The following PRKN variants were observed in gnomAD, a reference collection of about 807,000 sequenced individuals.
PRKN encodes the protein parkin RBR E3 ubiquitin protein ligase.
Under a neutral mutation model 59.5 loss-of-function variants are expected in PRKN, and 56 were observed. That is an observed-to-expected ratio of 0.94 (90% CI 0.76 to 1.18). The LOEUF (loss-of-function observed/expected upper bound fraction) is 1.18, where lower values mean the gene tolerates loss of function less well. Ranked by LOEUF, PRKN falls within the 50% of genes most tolerant of loss-of-function variation. The pLI is 0.00. For missense variants in PRKN, 657 were observed against 596.4 expected (o/e 1.10, Z -1.06); for synonymous variants, 250 against 222.1 (o/e 1.13, Z -1.12).
intron 1 of PRKN, among the ~76,000 whole-genome samples, chr6:162,580,255 T>G (rs1780736547): frequency 6.6e-6 from 1 of 151,824 alleles, no homozygotes; most frequent in African/African-American, 2.4e-5. Context: ...TGGGTAACAT[T>G]GCGGAACCCT....
At chr6:161,933,352 C>T (rs1427361702) in intron 6 of PRKN, among the ~76,000 whole-genome samples, 12 of 152,100 alleles carry the variant, frequency 7.9e-5, no homozygotes, top group Non-Finnish European at 1.8e-4. Flanking sequence ...ACAATGTTGA[C>T]TCCATTAGAT....
At chr6:162,512,560 G>A (rs1392054145) in intron 1 of PRKN, among the ~76,000 whole-genome samples, 5 of 152,180 alleles carry the variant, frequency 3.3e-5, no homozygotes, top group East Asian at 1.9e-4. Flanking sequence ...TGCAGTTATT[G>A]TTATACCTAG....
intron 1 of PRKN, among the ~76,000 whole-genome samples, chr6:162,458,210 C>T (rs377630754): frequency 8.3e-5 from 11 of 133,242 alleles, no homozygotes; most frequent in African/African-American, 2.9e-4. Flanking sequence ...GAGCCAAGAT[C>T]GCTCCACTGC....
At chr6:162,530,068 T>A (rs1778447932) in intron 1 of PRKN, among the ~76,000 whole-genome samples, 1 of 151,228 alleles carries the variant, frequency 6.6e-6, no homozygotes, top group Middle Eastern at 3.4e-3. Context: ...AGGTGGAGGT[T>A]GCAGTGAGCC....
intron 2 of PRKN, among the ~76,000 whole-genome samples, chr6:162,340,808 T>C (rs1480364762): frequency 2.6e-5 from 4 of 152,026 alleles, no homozygotes; most frequent in East Asian, 1.9e-4. Flanking sequence ...CCTAAAATCA[T>C]AAAAACCCCA....
At chr6:162,640,951 G>C (rs1269803409) in intron 1 of PRKN, among the ~76,000 whole-genome samples, 1 of 152,182 alleles carries the variant, frequency 6.6e-6, no homozygotes, top group Non-Finnish European at 1.5e-5. Flanking sequence ...TCCAGGAACA[G>C]TATTATCACA....
rs780630333 is a variant in PRKN, at chr6:162,403,053, G to A, written c.171+40257C>T. On this transcript the variant is annotated intron_variant, in intron 2 of 11. Transcript: ENST00000366898. ...ATCTAGTCTCAAGGCTTTAAACACCGTCTGGATTCTCACTCCCAGATTTAT... is the reference window on the plus strand; with the variant it reads ...ATCTAGTCTCAAGGCTTTAAACACCATCTGGATTCTCACTCCCAGATTTAT... Among the ~76,000 whole-genome samples, 6 of 152,220 alleles carry A rather than the reference G, an allele frequency of 3.9e-5. No individual in the cohort carries two copies. The East Asian group carries it at 5.8e-4, about 15-fold the overall frequency.
intron 7 of PRKN, among the ~76,000 whole-genome samples, chr6:161,771,006 T>C (rs1374219061): frequency 1.3e-5 from 2 of 152,098 alleles, no homozygotes; most frequent in Admixed American, 1.3e-4. Flanking sequence ...AATTAATTCC[T>C]GCCGTTTAAG....
In PRKN at chr6:162,488,042, T is replaced by A. The variant is rs78984763; in HGVS notation, c.8-44569A>T. 4.5e-3 allele frequency among the ~76,000 whole-genome samples: 603 copies of A among 133,050 alleles called. 10 individuals carry two copies. Among genetic ancestry groups the A allele is most frequent in the African/African-American group, 0.016 (582 of 36,834 alleles). 87.3% of individuals were successfully genotyped at this position (133,050 alleles called of 152,430 possible). ...CACCATTTCCCTTTTTTTTTTTTTTTTTTTTTTTTTGGCGGAGGGTTAAAC... is the reference window on the plus strand; with the variant it reads ...CACCATTTCCCTTTTTTTTTTTTTTATTTTTTTTTTGGCGGAGGGTTAAAC... On this transcript the variant is annotated intron_variant, in intron 1 of 11. Transcript: ENST00000366898.
intron 1 of PRKN, among the ~76,000 whole-genome samples, chr6:162,480,632 G>A (rs965232808): frequency 4.6e-5 from 7 of 152,038 alleles, no homozygotes; most frequent in African/African-American, 1.7e-4. Context: ...CTGTGTTAGC[G>A]AGGGGAAAAA....
intron 4 of PRKN, among the ~76,000 whole-genome samples, chr6:162,086,794 A>T (rs879588140): frequency 1.4e-4 from 22 of 152,066 alleles, no homozygotes; most frequent in Admixed American, 2.6e-4. Context: ...ATTATAGGAC[A>T]TTTTTCTCTC....
rs956851457 is a variant in PRKN, at chr6:161,357,429, C to T, written c.1285+2659G>A. Among the ~76,000 whole-genome samples the T allele has an allele frequency of 6.6e-6, 1 of 152,184 alleles. No homozygotes were observed. The highest frequency in any genetic ancestry group is 1.5e-5 in the Non-Finnish European group (1 of 68,040). ...GAGGAGGCCACTAAGGCATGGACCCCAGACCTGCTGGGTAAATTCTCCACC... is the reference window on the plus strand; with the variant it reads ...GAGGAGGCCACTAAGGCATGGACCCTAGACCTGCTGGGTAAATTCTCCACC... On this transcript the variant is annotated intron_variant, in intron 11 of 11. Transcript: ENST00000366898. The surrounding 1 kb of genome is among the most constrained non-coding windows in gnomAD (Gnocchi z 5.5).
intron 2 of PRKN, among the ~76,000 whole-genome samples, chr6:162,312,493 A>G (rs942881326): frequency 5.9e-5 from 9 of 152,142 alleles, no homozygotes; most frequent in African/African-American, 2.2e-4. Context: ...GTCACTGACG[A>G]AGAGCCCTGG....
intron 2 of PRKN, among the ~76,000 whole-genome samples, chr6:162,435,622 C>T (rs1789732332): frequency 6.6e-6 from 1 of 152,162 alleles, no homozygotes; most frequent in Non-Finnish European, 1.5e-5. Flanking sequence ...CGTAGCAACA[C>T]TTACTAGTTC....
In PRKN at chr6:161,360,676, TCTACATCTTGTTATC is replaced by T. The variant is rs571284550; in HGVS notation, c.1168-486_1168-472del. 3.2e-4 allele frequency among the ~76,000 whole-genome samples: 49 copies of T among 152,308 alleles called. No homozygotes were observed. The South Asian group carries it at 9.1e-3, about 28-fold the overall frequency. ...TGGAATCTTTGCTTTTAAACTTTGC[TCTACATCTTGTTATC>T]CTTCCTTGCACCTGGCAAATGGGGA... On this transcript the variant is annotated intron_variant, in intron 10 of 11. Coordinates refer to ENST00000366898, the MANE Select transcript of PRKN (RefSeq NM_004562.3). This position sits in a 1 kb window ranked among gnomAD's most constrained non-coding sequence, Gnocchi z 5.1.
In PRKN at chr6:162,390,396, T is replaced by TATATATATATATATATATAC. The variant is rs1180636201; in HGVS notation, c.171+52913_171+52914insGTATATATATATATATATAT. Among the ~76,000 whole-genome samples, 482 of 83,922 alleles carry TATATATATATATATATATAC rather than the reference T, an allele frequency of 5.7e-3. 2 individuals are homozygous for TATATATATATATATATATAC. Among genetic ancestry groups the TATATATATATATATATATAC allele is most frequent in the Non-Finnish European group, 8.7e-3 (361 of 41,378 alleles). 55.1% of individuals were successfully genotyped at this position (83,922 alleles called of 152,430 possible). On this transcript the variant is annotated intron_variant, in intron 2 of 11. Coordinates refer to ENST00000366898, the MANE Select transcript of PRKN (RefSeq NM_004562.3). ...TAAGGTATATATATATATATATATA[T>TATATATATATATATATATAC]ACACACACACACACACACACACACA...
chr6:161,711,287 G>A (rs895967965), intron 7 of PRKN, among the ~76,000 whole-genome samples: 4 of 152,172 alleles, frequency 2.6e-5, no homozygotes, highest in South Asian at 2.1e-4. Context: ...AAAGCAGCAC[G>A]ATGGTAATGC....
At chr6:162,493,136 A>G (rs757725235) in intron 1 of PRKN, among the ~76,000 whole-genome samples, 3 of 152,076 alleles carry the variant, frequency 2.0e-5, no homozygotes, top group Non-Finnish European at 2.9e-5. Flanking sequence ...GGCCAGCAGG[A>G]TAAAAATCAA....
chr6:161,858,944 C>A (rs994240430), intron 6 of PRKN, among the ~76,000 whole-genome samples: 11 of 112,260 alleles, frequency 9.8e-5, no homozygotes, highest in Middle Eastern at 9.4e-3. Flanking sequence ...TCACTGCAAC[C>A]TCCGTCTCCT....
Sources: allele counts gnomAD v4.1 joint callset (sites outside exome capture counted in the v4.1 genomes callset), GRCh38; gene constraint gnomAD v4.1.1; non-coding constraint Gnocchi (gnomAD v3.1); transcripts MANE v1.5; gene names NCBI Gene and HGNC (gene_info 2026-07-23, HGNC 2026-07-21).